The following TMPRSS11E variants were observed in gnomAD, a reference collection of about 807,000 sequenced individuals.
TMPRSS11E encodes transmembrane serine protease 11E, also known as transmembrane protease serine 11E.
TMPRSS11E carries 38 observed loss-of-function variants against 48.1 expected under a neutral mutation model. That is an observed-to-expected ratio of 0.79 (90% CI 0.61 to 1.04). TMPRSS11E has a LOEUF of 1.04. Among genes scored for constraint, TMPRSS11E ranks in the 50% least tolerant of loss-of-function variants. TMPRSS11E has a pLI of 0.00. For missense variants in TMPRSS11E, 530 were observed against 510.8 expected (o/e 1.04, Z -0.36); for synonymous variants, 158 against 171.9 (o/e 0.92, Z 0.63).
chr4:68,496,040 T>C (rs1729855509), intron 9 of TMPRSS11E, among the ~76,000 whole-genome samples: 1 of 152,164 alleles, frequency 6.6e-6, no homozygotes, highest in Non-Finnish European at 1.5e-5. Context: ...ATTTTATATA[T>C]GCATTTCCTA....
In TMPRSS11E at chr4:68,485,235, C is replaced by A. The variant is rs535391560; in HGVS notation, c.1110+6244C>A. On this transcript the variant is annotated intron_variant, in intron 9 of 9. Coordinates refer to ENST00000305363, the MANE Select transcript of TMPRSS11E (RefSeq NM_014058.4). ...GATCTCAGCTCACTGCAACCTCTGT[C>A]CCCCAGGTTCTAGTGATTCTCCTGC... Among the ~76,000 whole-genome samples, 520 of 152,158 alleles carry A rather than the reference C, an allele frequency of 3.4e-3. 3 individuals are homozygous for A. Among genetic ancestry groups the A allele is most frequent in the African/African-American group, 0.012 (495 of 41,522 alleles).
intron 1 of TMPRSS11E, among the ~76,000 whole-genome samples, chr4:68,453,075 A>G (rs1728542051): frequency 6.6e-6 from 1 of 151,850 alleles, no homozygotes; most frequent in Non-Finnish European, 1.5e-5. Flanking sequence ...AGCTTCCTCT[A>G]CCTTCCTGTC....
chr4:68,466,833 C>CGTTAGTTGAATGGATCTTTT, intron 3 of TMPRSS11E, 81 bp downstream of exon 3: 3 of 1,562,778 alleles, frequency 1.9e-6, no homozygotes, highest in Non-Finnish European at 2.6e-6. Flanking sequence ...CTAAAAGATC[C>CGTTAGTTGAATGGATCTTTT]ATTCAACTAA....
chr4:68,448,697 T>C (rs1052483730), intron 1 of TMPRSS11E, among the ~76,000 whole-genome samples: 1 of 151,832 alleles, frequency 6.6e-6, no homozygotes, highest in African/African-American at 2.4e-5. Flanking sequence ...AAGATGTGAC[T>C]ATTTTTAAAA....
chr4:68,452,983 T>A (rs915203179), intron 1 of TMPRSS11E, among the ~76,000 whole-genome samples: 2 of 151,896 alleles, frequency 1.3e-5, no homozygotes, highest in Non-Finnish European at 2.9e-5. Flanking sequence ...ACTAGTTGAA[T>A]CCCTTTTTGC....
Position 68,494,799 on chromosome 4 carries a change from C to T in TMPRSS11E, c.1111-1844C>T, listed in dbSNP as rs192032102. Among the ~76,000 whole-genome samples the T allele has an allele frequency of 7.2e-4, 109 of 152,186 alleles. 1 individual carries two copies. In the East Asian group the frequency reaches 0.021, roughly 29 times the overall value. On this transcript the variant is annotated intron_variant, in intron 9 of 9. Coordinates refer to ENST00000305363, the MANE Select transcript of TMPRSS11E (RefSeq NM_014058.4). Reference sequence around the variant, plus strand: ...GCTTACTCAGGGCATGTTAAAAATGCAAAGAAAAATAATGTGGAAACACAG... The same window carrying T: ...GCTTACTCAGGGCATGTTAAAAATGTAAAGAAAAATAATGTGGAAACACAG...
At chr4:68,488,203 C>G (rs933501451) in intron 9 of TMPRSS11E, among the ~76,000 whole-genome samples, 2 of 152,040 alleles carry the variant, frequency 1.3e-5, no homozygotes, top group African/African-American at 4.8e-5. Context: ...TGTATGTTAA[C>G]CTCTGCAGCA....
intron 9 of TMPRSS11E, among the ~76,000 whole-genome samples, chr4:68,483,086 G>A (rs915503070): frequency 2.0e-5 from 3 of 152,110 alleles, no homozygotes; most frequent in Non-Finnish European, 2.9e-5. Context: ...ATCTGAGGCT[G>A]GGTAATTTAT....
intron 2 of TMPRSS11E, among the ~76,000 whole-genome samples, chr4:68,465,376 T>C (rs1368750826): frequency 1.3e-5 from 2 of 152,190 alleles, no homozygotes; most frequent in African/African-American, 4.8e-5. Context: ...TTATTTGAAA[T>C]ACACCAGTAG....
At chr4:68,449,485 T>C (rs1416609030) in intron 1 of TMPRSS11E, among the ~76,000 whole-genome samples, 6 of 151,558 alleles carry the variant, frequency 4.0e-5, no homozygotes, top group Non-Finnish European at 8.9e-5. Flanking sequence ...ATGAGTAATA[T>C]TCAAATGACA....
At chr4:68,486,302 CT>C (rs1484219206) in intron 9 of TMPRSS11E, among the ~76,000 whole-genome samples, 1 of 152,150 alleles carries the variant, frequency 6.6e-6, no homozygotes, top group African/African-American at 2.4e-5. Context: ...CCTGTTAATA[CT>C]GCTTTACCTG....
chr4:68,475,726 G>A (rs958291713), intron 6 of TMPRSS11E, among the ~76,000 whole-genome samples: 1 of 152,112 alleles, frequency 6.6e-6, no homozygotes, highest in Non-Finnish European at 1.5e-5. Flanking sequence ...GCCCCACTGT[G>A]GCATTTTTGT....
At chr4:68,466,477 T>C (rs1384947536) in intron 2 of TMPRSS11E, among the ~76,000 whole-genome samples, 154 bp from the exon 3 acceptor site, 1 of 152,160 alleles carries the variant, frequency 6.6e-6, no homozygotes, top group Admixed American at 6.6e-5. Context: ...TATCCTGAGA[T>C]AACTATGAGG....
chr4:68,452,148 C>A (rs1025145749), intron 1 of TMPRSS11E, among the ~76,000 whole-genome samples: 3 of 151,840 alleles, frequency 2.0e-5, no homozygotes, highest in African/African-American at 4.8e-5. Flanking sequence ...TCAGTCAAGA[C>A]AGAGATGTAG....
chr4:68,469,601 T>C (rs1472293630), intron 4 of TMPRSS11E, among the ~76,000 whole-genome samples: 1 of 151,946 alleles, frequency 6.6e-6, no homozygotes, highest in Admixed American at 6.6e-5. Context: ...TTGATCACTG[T>C]CTTCTAAAAA....
At position 68,471,562 on chromosome 4, in the gene TMPRSS11E, T is replaced by C. The variant is rs370684841; in HGVS notation, c.429T>C (p.His143=). 44 of 1,611,342 alleles carry C rather than the reference T, an allele frequency of 2.7e-5. No homozygotes were observed. Among genetic ancestry groups the C allele is most frequent in the Non-Finnish European group, 3.6e-5 (42 of 1,178,674 alleles). Residue 143 remains histidine, a synonymous_variant, in exon 5 of 10, where the codon CAT becomes CAC. Transcript: ENST00000305363. ...ATAAAATTGTTCAACTTGTTTTACA[T>C]GAAAAGCTGCAAGATGCTGTAGGAC... is the stretch of plus-strand genomic sequence containing the variant. ...TVDKIVQLVL[H]EKLQDAVGPP...
intron 9 of TMPRSS11E, among the ~76,000 whole-genome samples, chr4:68,487,963 A>AAAAG (rs1729608837): frequency 2.0e-5 from 3 of 148,946 alleles, no homozygotes; most frequent in Admixed American, 1.3e-4. Context: ...AAAAAAAAAA[A>AAAAG]AAGAATGCTG....
intron 9 of TMPRSS11E, among the ~76,000 whole-genome samples, chr4:68,479,719 G>T (rs570889586): frequency 2.6e-5 from 4 of 151,626 alleles, no homozygotes; most frequent in Non-Finnish European, 5.9e-5. Context: ...TGCTTCAACT[G>T]TCAAATGTAA....
At chr4:68,480,765 T>A (rs1207226973) in intron 9 of TMPRSS11E, among the ~76,000 whole-genome samples, 1 of 152,182 alleles carries the variant, frequency 6.6e-6, no homozygotes, top group Non-Finnish European at 1.5e-5. Flanking sequence ...ATCATGCTTT[T>A]AAATTTATAT....
Sources: gnomAD v4.1 joint callset for allele counts (sites outside exome capture counted in the v4.1 genomes callset) on GRCh38, gnomAD v4.1.1 for gene constraint, MANE v1.5 for transcripts, NCBI Gene and HGNC (gene_info 2026-07-23, HGNC 2026-07-21) for gene names.